The following ADGRB3 variants were observed in gnomAD, a reference collection of about 807,000 sequenced individuals.
ADGRB3 encodes brain-specific angiogenesis inhibitor 3.
Under a neutral mutation model 193.4 loss-of-function variants are expected in ADGRB3, and 37 were observed. That is an observed-to-expected ratio of 0.19 (90% CI 0.15 to 0.25). The LOEUF is 0.25. Among genes scored for constraint, ADGRB3 ranks in the 10% least tolerant of loss-of-function variants. The pLI is 1.00. For synonymous variants in ADGRB3, 690 were observed against 644.2 expected (o/e 1.07, Z -1.08); for missense variants, 1,637 against 1,852.9 (o/e 0.88, Z 2.14).
intron 17 of ADGRB3, among the ~76,000 whole-genome samples, chr6:69,217,641 G>C (rs577756407): frequency 7.9e-5 from 12 of 152,190 alleles, no homozygotes; most frequent in Non-Finnish European, 1.3e-4. Context: ...CTCAACTCTG[G>C]TTGGGCAGGG....
intron 3 of ADGRB3, among the ~76,000 whole-genome samples, chr6:68,862,209 C>A (rs976221059): frequency 8.7e-5 from 13 of 149,356 alleles, no homozygotes; most frequent in Non-Finnish European, 7.4e-5. Flanking sequence ...TCAAAGAAGT[C>A]TTCACAAACC....
At chr6:68,835,423 T>G (rs530500824) in intron 3 of ADGRB3, among the ~76,000 whole-genome samples, 2 of 152,296 alleles carry the variant, frequency 1.3e-5, no homozygotes, top group East Asian at 3.9e-4. Context: ...CTTATTTGTA[T>G]AATAAAGAAT....
At chr6:68,977,418 A>G (rs1198157270) in intron 10 of ADGRB3, among the ~76,000 whole-genome samples, 2 of 152,124 alleles carry the variant, frequency 1.3e-5, no homozygotes, top group South Asian at 2.1e-4. Flanking sequence ...TAACAGAGCA[A>G]TCTTTACAAA....
rs548086634 is a variant in ADGRB3, at chr6:69,227,922, A to C, written c.2481-5368A>C. Among the ~76,000 whole-genome samples, 4 of 152,346 alleles carry C rather than the reference A, an allele frequency of 2.6e-5. No individual in the cohort carries two copies. The South Asian group carries it at 8.3e-4, about 32-fold the overall frequency. On this transcript the variant is annotated intron_variant, in intron 17 of 31. Transcript: ENST00000370598. ...ATTACGACAAAAACAATCTGTCTAG[A>C]TCAAACTCAGTATTAAAAGTTATCC...
intron 17 of ADGRB3, among the ~76,000 whole-genome samples, chr6:69,096,185 T>C (rs1282762738): frequency 1.3e-5 from 2 of 152,132 alleles, no homozygotes; most frequent in Admixed American, 1.3e-4. Context: ...TATTTTAGCT[T>C]TCCTAATTTT....
intron 6 of ADGRB3, among the ~76,000 whole-genome samples, chr6:68,953,718 A>T (rs562046517): frequency 6.6e-6 from 1 of 152,334 alleles, no homozygotes; most frequent in African/African-American, 2.4e-5. Flanking sequence ...TGTGATTTTT[A>T]ATCTCATAAA....
At chr6:69,283,698 T>C (rs993076916) in intron 20 of ADGRB3, among the ~76,000 whole-genome samples, 3 of 152,170 alleles carry the variant, frequency 2.0e-5, no homozygotes, top group African/African-American at 7.2e-5. Flanking sequence ...AAAAAATTGG[T>C]TCACTTTGGT....
chr6:68,772,826 T>C (rs1766644524), intron 3 of ADGRB3, among the ~76,000 whole-genome samples: 2 of 141,784 alleles, frequency 1.4e-5, no homozygotes, highest in East Asian at 4.2e-4. Flanking sequence ...AAGACCACCC[T>C]GGGCAACATG....
Position 69,339,497 on chromosome 6 carries a change from G to A in ADGRB3, c.3452G>A (p.Arg1151Gln), listed in dbSNP as rs768850155. 37 of 1,612,758 alleles carry A rather than the reference G, an allele frequency of 2.3e-5. No homozygotes were observed. The highest frequency in any genetic ancestry group is 3.0e-5 in the Non-Finnish European group (35 of 1,179,128). Residue 1151 changes from arginine to glutamine, a missense_variant, in exon 26 of 32, where the codon CGG (arginine) becomes CAG (glutamine). Arg to Gln is a conservative substitution (Grantham distance 43). Coordinates refer to ENST00000370598, the MANE Select transcript of ADGRB3 (RefSeq NM_001704.3). ...FVIVMVHCIL[R>Q]REVQDAFRCR... ...ATAGTCATGGTCCACTGCATTCTTC[G>A]GAGAGAGGTGAGAAGCATTCTTGTG... is the stretch of plus-strand genomic sequence containing the variant.
intron 20 of ADGRB3, among the ~76,000 whole-genome samples, chr6:69,302,614 A>G (rs935527731): frequency 6.6e-6 from 1 of 151,968 alleles, no homozygotes; most frequent in African/African-American, 2.4e-5. Flanking sequence ...TAAAGCTATT[A>G]CACACAGTAC....
intron 3 of ADGRB3, among the ~76,000 whole-genome samples, chr6:68,753,734 A>C (rs1190346818): frequency 6.6e-6 from 1 of 152,136 alleles, no homozygotes; most frequent in African/African-American, 2.4e-5. Flanking sequence ...ATTTTTTCCT[A>C]ACCTGTTTGT....
intron 3 of ADGRB3, among the ~76,000 whole-genome samples, chr6:68,648,648 A>G (rs1436502515): frequency 6.6e-6 from 1 of 150,722 alleles, no homozygotes; most frequent in Non-Finnish European, 1.5e-5. Flanking sequence ...ACTTCTTAAC[A>G]ACAGTTATGT....
intron 8 of ADGRB3, 56 bp from the exon 9 acceptor site, chr6:68,974,707 T>C (rs995429894): frequency 1.1e-5 from 17 of 1,482,662 alleles, no homozygotes; most frequent in Non-Finnish European, 1.4e-5. Context: ...CAATTGTTTA[T>C]TGCCAAAATT....
intron 17 of ADGRB3, among the ~76,000 whole-genome samples, chr6:69,146,740 T>C (rs990645877): frequency 6.6e-6 from 1 of 152,050 alleles, no homozygotes; most frequent in Non-Finnish European, 1.5e-5. Flanking sequence ...AAATGTTTGC[T>C]AGAATTCAGT....
intron 20 of ADGRB3, among the ~76,000 whole-genome samples, chr6:69,319,076 A>G (rs968217227): frequency 1.3e-5 from 2 of 150,682 alleles, no homozygotes; most frequent in Non-Finnish European, 3.0e-5. Flanking sequence ...ATTCCTCTTG[A>G]TTTCTTTAAG....
At chr6:68,838,055 G>T (rs1347863101) in intron 3 of ADGRB3, among the ~76,000 whole-genome samples, 2 of 152,076 alleles carry the variant, frequency 1.3e-5, no homozygotes, top group African/African-American at 4.8e-5. Flanking sequence ...TATTCAGAAA[G>T]AAAAAATGTA....
chr6:69,063,341 C>G (rs1389910130), intron 16 of ADGRB3, among the ~76,000 whole-genome samples: 1 of 151,912 alleles, frequency 6.6e-6, no homozygotes, highest in Non-Finnish European at 1.5e-5. Flanking sequence ...AATCATTTAT[C>G]AGTGCACACA....
intron 3 of ADGRB3, among the ~76,000 whole-genome samples, chr6:68,756,718 A>G (rs1193373449): frequency 1.3e-5 from 2 of 152,146 alleles, no homozygotes; most frequent in Non-Finnish European, 2.9e-5. Context: ...GCTGTGAGGA[A>G]CAGAGACTAT....
At chr6:68,663,336 A>G (rs1768715284) in intron 3 of ADGRB3, among the ~76,000 whole-genome samples, 1 of 151,624 alleles carries the variant, frequency 6.6e-6, no homozygotes, top group Non-Finnish European at 1.5e-5. Flanking sequence ...GATTTTAAAA[A>G]TGTGTGATTT....
Sources: gnomAD v4.1 joint callset for allele counts (sites outside exome capture counted in the v4.1 genomes callset) on GRCh38, gnomAD v4.1.1 for gene constraint, MANE v1.5 for transcripts, NCBI Gene and HGNC (gene_info 2026-07-23, HGNC 2026-07-21) for gene names.